Variants in TACC1 observed in about 807,000 individuals in gnomAD.
The protein encoded by TACC1 is transforming acidic coiled-coil containing protein 1, also known as transforming acidic coiled-coil-containing protein 1.
TACC1 carries 48 observed loss-of-function variants against 84.4 expected under a neutral mutation model. The ratio of observed to expected loss-of-function variants is 0.57; its 90% confidence interval spans 0.45 to 0.72. TACC1 has a LOEUF of 0.72. Ranked by LOEUF, TACC1 falls within the 30% of genes least tolerant of loss-of-function variation. TACC1 has a pLI of 0.00. For synonymous variants in TACC1, 372 were observed against 376.3 expected, an observed-to-expected ratio of 0.99 and a Z score of 0.13; for missense variants, 920 against 973.0, an observed-to-expected ratio of 0.95 and a Z score of 0.72.
Position 38,787,459 on chromosome 8 carries a change from A to C in TACC1, c.-124A>C. 2 of 1,388,966 alleles carry C rather than the reference A, an allele frequency of 1.4e-6. No homozygotes were observed. The highest frequency in any genetic ancestry group is 3.1e-5 in the African/African-American group (2 of 65,528). The allele number at this position is 1,388,966 out of a possible 1,614,324, so 86.0% of individuals were successfully genotyped here. ...CCCCCGACGGCACTCGTTTAACCAC[A>C]TCCGCGCCTCTGCTGGAAACGCTTG... On this transcript the variant is annotated 5_prime_UTR_variant, in exon 1 of 13. Coordinates refer to ENST00000317827, the MANE Select transcript of TACC1 (RefSeq NM_006283.3).
chr8:38,793,521 C>T (rs1029138498), intron 2 of TACC1, among the ~76,000 whole-genome samples: 1 of 151,636 alleles, frequency 6.6e-6, no homozygotes, highest in African/African-American at 2.4e-5. Flanking sequence ...AAAGGGTGGA[C>T]TGTATGGTTT....
At chr8:38,814,984 G>T (rs1587925284) in intron 2 of TACC1, among the ~76,000 whole-genome samples, 1 of 152,164 alleles carries the variant, frequency 6.6e-6, no homozygotes, top group Non-Finnish European at 1.5e-5. Flanking sequence ...TAGGTAACAA[G>T]TTCTTCCAGT....
chr8:38,745,174 C>A, exon 3 of TACC1: 1 of 294,432 alleles, frequency 3.4e-6, no homozygotes, highest in Non-Finnish European at 6.3e-6. Context: ...CTGATCAACC[C>A]CTGACCCACA....
In TACC1 at chr8:38,852,222, G is replaced by A. The variant is rs1291535453; in HGVS notation, c.*4199G>A. 7.2e-6 allele frequency: 2 copies of A among 279,084 alleles called. No individual in the cohort carries two copies. Among genetic ancestry groups the A allele is most frequent in the African/African-American group, 4.4e-5 (2 of 45,550 alleles). 17.3% of individuals were successfully genotyped at this position (279,084 alleles called of 1,614,324 possible). On this transcript the variant is annotated 3_prime_UTR_variant, in exon 13 of 13. Transcript: ENST00000317827. ...AGATTTGGACAAACAAGATTCCTAA[G>A]GAATGACTTTATTAACTATAATATG...
chr8:38,742,338 A>T, intron 1 of TACC1: 1 of 1,258,128 alleles, frequency 7.9e-7, no homozygotes, highest in Non-Finnish European at 1.1e-6. Context: ...CACCTGACTT[A>T]ATTCTCTTCC....
At chr8:38,762,050 G>A (rs1811310366) in intron 3 of TACC1, among the ~76,000 whole-genome samples, 1 of 152,044 alleles carries the variant, frequency 6.6e-6, no homozygotes, top group Non-Finnish European at 1.5e-5. Context: ...GAGGGTAGTT[G>A]AAATAGAAAA....
chr8:38,801,040 T>C (rs1821238245), intron 2 of TACC1, among the ~76,000 whole-genome samples: 1 of 152,262 alleles, frequency 6.6e-6, no homozygotes, highest in African/African-American at 2.4e-5. Flanking sequence ...ATTGGGTATT[T>C]GTATATATTC....
intron 2 of TACC1, among the ~76,000 whole-genome samples, chr8:38,816,710 A>C (rs1347082082): frequency 6.6e-6 from 1 of 152,234 alleles, no homozygotes; most frequent in African/African-American, 2.4e-5. Flanking sequence ...GCAGGGGTGC[A>C]GAGCTTCCAC....
upstream of TACC1, among the ~76,000 whole-genome samples, chr8:38,782,422 G>T (rs1287024692): frequency 1.3e-5 from 2 of 151,970 alleles, no homozygotes; most frequent in African/African-American, 4.8e-5. Context: ...GTCTATCATT[G>T]TTGGACATTT....
At chr8:38,787,155 C>A (rs1817365856), upstream of TACC1, 1 of 984,114 alleles carries the variant, frequency 1.0e-6, no homozygotes, top group Admixed American at 6.2e-5. Flanking sequence ...CGCGCGCGCG[C>A]GAGTAGTACG....
upstream of TACC1, chr8:38,785,847 A>C: frequency 2.3e-6 from 1 of 428,902 alleles, no homozygotes; most frequent in East Asian, 1.6e-4. Context: ...ATGACAATTT[A>C]TTTCTGGGAA....
chr8:38,831,053 C>G, intron 5 of TACC1, 72 bp from the exon 6 acceptor site: 1 of 1,445,404 alleles, frequency 6.9e-7, no homozygotes, highest in Non-Finnish European at 9.7e-7. Context: ...ACTGGGGTTT[C>G]CAAGAGCCTT....
At chr8:38,795,453 GTGTA>G (rs1372713033) in intron 2 of TACC1, among the ~76,000 whole-genome samples, 1 of 152,224 alleles carries the variant, frequency 6.6e-6, no homozygotes, top group Non-Finnish European at 1.5e-5. Flanking sequence ...CTTTCTACCT[GTGTA>G]TGTGTTTTGG....
intron 7 of TACC1, 34 bp from the exon 8 acceptor site, chr8:38,838,436 A>G: frequency 6.6e-7 from 1 of 1,521,806 alleles, no homozygotes; most frequent in South Asian, 1.1e-5. Context: ...AAATTGTAAT[A>G]GATTGGGTAA....
At chr8:38,741,446 G>A (rs1367828787) in intron 1 of TACC1, among the ~76,000 whole-genome samples, 1 of 152,092 alleles carries the variant, frequency 6.6e-6, no homozygotes, top group Non-Finnish European at 1.5e-5. Context: ...GGCAGGAGCC[G>A]CCGCGCCTGG....
chr8:38,826,786 A>G (rs1828162890), intron 4 of TACC1, among the ~76,000 whole-genome samples: 1 of 152,200 alleles, frequency 6.6e-6, no homozygotes, highest in African/African-American at 2.4e-5. Flanking sequence ...ATTCTTTGCA[A>G]TTATTTAAAC....
chr8:38,799,665 A>C (rs1291000534), intron 2 of TACC1: 2 of 152,244 alleles, frequency 1.3e-5, no homozygotes, highest in Non-Finnish European at 2.9e-5. Flanking sequence ...TTATAACTCT[A>C]GGATGTTTCA....
intron 2 of TACC1, among the ~76,000 whole-genome samples, chr8:38,817,934 A>C (rs929233294): frequency 5.3e-5 from 8 of 149,578 alleles, no homozygotes; most frequent in African/African-American, 1.7e-4. Context: ...AAAAAAAAAA[A>C]AAAAAAAAAA....
At chr8:38,753,256 T>C (rs1320418526) in intron 3 of TACC1, among the ~76,000 whole-genome samples, 5 of 152,098 alleles carry the variant, frequency 3.3e-5, no homozygotes, top group African/African-American at 1.2e-4. Flanking sequence ...AGCCCCACCA[T>C]GCTCAGCCAA....
Sources: gnomAD v4.1 joint callset for allele counts (sites outside exome capture counted in the v4.1 genomes callset) on GRCh38, gnomAD v4.1.1 for gene constraint, MANE v1.5 for transcripts, NCBI Gene and HGNC (gene_info 2026-07-23, HGNC 2026-07-21) for gene names.